MLYCD: variants seen among roughly 807,000 people sequenced by gnomAD.
The protein encoded by MLYCD is malonyl-CoA decarboxylase.
In MLYCD, 27 loss-of-function variants were observed where a neutral mutation model predicts 35.8. The observed-to-expected ratio is 0.75, with a 90% confidence interval of 0.56 to 1.04. The LOEUF (loss-of-function observed/expected upper bound fraction) is 1.04. Among genes scored for constraint, MLYCD ranks in the 50% least tolerant of loss-of-function variants. MLYCD has a pLI of 0.00. For synonymous variants in MLYCD, 403 were observed against 302.4 expected, an observed-to-expected ratio of 1.33 and a Z score of -3.45; for missense variants, 917 against 665.1, an observed-to-expected ratio of 1.38 and a Z score of -4.17.
rs1907609394 is a variant in MLYCD at position 83,920,308 on chromosome 16, C to T, written c.*4819C>T. 6.6e-6 allele frequency: 1 copy of T among 152,150 alleles called. No individual in the cohort carries two copies. The highest frequency in any genetic ancestry group is 1.5e-5 in the Non-Finnish European group (1 of 68,030). The allele number at this position is 152,150 out of a possible 1,614,324, so 9.4% of individuals were successfully genotyped here. A position where few individuals can be genotyped will look rare whatever the true frequency, so the allele number is the denominator to read the frequency against. On this transcript the variant is annotated 3_prime_UTR_variant, in exon 5 of 5. Coordinates refer to ENST00000262430, the MANE Select transcript of MLYCD (RefSeq NM_012213.3). ...AGGCTAGGCACGGGTTCCTCAAAAC[C>T]TTTTTGGGCAGCTAGCAGCTTTGAC...
chr16:83,903,142 A>G (rs910538568), intron 1 of MLYCD, among the ~76,000 whole-genome samples: 2 of 152,100 alleles, frequency 1.3e-5, no homozygotes, highest in African/African-American at 4.8e-5. Flanking sequence ...AATTCATGGA[A>G]AGGGTTCCTC....
Position 83,918,142 on chromosome 16 carries a change from C to G in MLYCD, c.*2653C>G, listed in dbSNP as rs1161590249. On this transcript the variant is annotated 3_prime_UTR_variant, in exon 5 of 5. Transcript: ENST00000262430. ...AGGCGGCTCATCACATCACGTTACT[C>G]TTTAGGTCAAATGTAACCCTCCCGG... 1 of 152,248 alleles carries G rather than the reference C, an allele frequency of 6.6e-6. No individual in the cohort carries two copies. The highest frequency in any genetic ancestry group is 2.1e-4 in the South Asian group (1 of 4,836). The allele number at this position is 152,248 out of a possible 1,614,324, so 9.4% of individuals were successfully genotyped here.
intron 3 of MLYCD, among the ~76,000 whole-genome samples, chr16:83,909,624 T>G (rs200374794): frequency 7.8e-6 from 1 of 128,948 alleles, no homozygotes; most frequent in Non-Finnish European, 1.6e-5. Flanking sequence ...TGTTGTGTTT[T>G]TTTTTTTTTT....
chr16:83,908,267 C>CTG lies in MLYCD; in HGVS notation c.784_785insGT (p.Ser262CysfsTer9). 2 of 1,614,174 alleles carry CTG rather than the reference C, an allele frequency of 1.2e-6. No homozygotes were observed. The highest frequency in any genetic ancestry group is 1.7e-6 in the Non-Finnish European group (2 of 1,180,030). The stretch of plus-strand genomic sequence containing the variant: ...TGCACGTGGCACTGACTGGTGACAT[C>CTG]TCCAGCAACATCCAGGTACCTGCGA... On this transcript the variant is annotated frameshift_variant, in exon 3 of 5. Coordinates refer to ENST00000262430, the MANE Select transcript of MLYCD (RefSeq NM_012213.3). LOFTEE classifies it high-confidence loss of function.
rs200750439 is a variant in MLYCD at position 83,915,185 on chromosome 16, C to G, written c.1178C>G (p.Ala393Gly). The part of the protein sequence containing the change: ...EWVQSEKLVR[A>G]LQTPLMRLCA... ...GTGCAGTCGGAGAAGCTGGTGCGGGCGCTGCAGACTCCGCTGATGAGGCTG... is the reference window on the plus strand; with the variant it reads ...GTGCAGTCGGAGAAGCTGGTGCGGGGGCTGCAGACTCCGCTGATGAGGCTG... The change falls in exon 5 of 5, where the codon GCG becomes GGG. Residue 393 changes from alanine to glycine, a missense_variant. Transcript: ENST00000262430. 2.5e-6 allele frequency: 4 copies of G among 1,614,098 alleles called. No homozygotes were observed. In the East Asian group the frequency reaches 8.9e-5, roughly 36 times the overall value.
rs377075332 is a variant in MLYCD, at chr16:83,915,343, G to A, written c.1336G>A (p.Gly446Ser). ...MADVSLRGITGSCGLMANYRY... is the reference protein window; with the variant it reads ...MADVSLRGITSSCGLMANYRY... ...GGATGTGAGCCTCAGAGGCATCACC[G>A]GCTCCTGCGGCCTGATGGCCAACTA... Residue 446 changes from glycine (G) to serine (S), a missense_variant, in exon 5 of 5, where the codon GGC becomes AGC. By Grantham distance (56) the Gly-to-Ser change is moderately conservative (BLOSUM62 0). Transcript: ENST00000262430. 41 of 1,613,650 alleles carry A rather than the reference G, an allele frequency of 2.5e-5. No homozygotes were observed. The highest frequency in any genetic ancestry group is 1.9e-4 in the South Asian group (17 of 91,094).
rs931079541 is a variant in MLYCD, at chr16:83,922,461, T to G, written c.*6972T>G. 1 of 152,280 alleles carries G rather than the reference T, an allele frequency of 6.6e-6. No homozygotes were observed. The highest frequency in any genetic ancestry group is 1.5e-5 in the Non-Finnish European group (1 of 68,100). The allele number at this position is 152,280 out of a possible 1,614,324, so 9.4% of individuals were successfully genotyped here. On this transcript the variant is annotated 3_prime_UTR_variant, in exon 5 of 5. Coordinates refer to ENST00000262430, the MANE Select transcript of MLYCD (RefSeq NM_012213.3). ...TCTCACCTGTTCATGGGCTCCTTTTTCTTCTGAAATGCAGCGTGAGGCACC... is the reference window on the plus strand; with the variant it reads ...TCTCACCTGTTCATGGGCTCCTTTTGCTTCTGAAATGCAGCGTGAGGCACC...
At position 83,910,466 on chromosome 16, in the gene MLYCD, G is replaced by A. The variant is rs183611777; in HGVS notation, c.799-1752G>A. On this transcript the variant is annotated intron_variant, in intron 3 of 4. Transcript: ENST00000262430. Reference sequence around the variant, plus strand: ...CCCCGGGAGGCTGAGGAGGCAGCCGGATCACCTGAGGTCAGGAGTTCCAGA... The same window carrying A: ...CCCCGGGAGGCTGAGGAGGCAGCCGAATCACCTGAGGTCAGGAGTTCCAGA... Among the ~76,000 whole-genome samples the A allele has an allele frequency of 4.1e-3, 631 of 152,178 alleles. 4 individuals carry two copies. Among genetic ancestry groups the A allele is most frequent in the African/African-American group, 0.014 (597 of 41,550 alleles).
Position 83,907,828 on chromosome 16 carries a change from G to A in MLYCD, c.642-298G>A, listed in dbSNP as rs533388455. On this transcript the variant is annotated intron_variant, in intron 2 of 4. Coordinates refer to ENST00000262430, the MANE Select transcript of MLYCD (RefSeq NM_012213.3). Reference sequence around the variant, plus strand: ...GAAAAGACAGTGTTCAACACCAAGCGTTTGATTAGGTTTCACGTTAAAATC... The same window carrying A: ...GAAAAGACAGTGTTCAACACCAAGCATTTGATTAGGTTTCACGTTAAAATC... Among the ~76,000 whole-genome samples, 8 of 152,252 alleles carry A rather than the reference G, an allele frequency of 5.3e-5. No homozygotes were observed. In the South Asian group the frequency reaches 1.2e-3, roughly 24 times the overall value.
rs56245227 is a variant in MLYCD, at chr16:83,925,035, T to C, written c.*9546T>C. On this transcript the variant is annotated 3_prime_UTR_variant, in exon 5 of 5. Coordinates refer to ENST00000262430, the MANE Select transcript of MLYCD (RefSeq NM_012213.3). ...TCCTAACTACCGATAGCAAGGGCAC[T>C]AGTGCCCCTGTTTGCCGGGGACAGG... is the stretch of plus-strand genomic sequence containing the variant. The C allele has an allele frequency of 0.11, 16,379 of 152,400 alleles. 965 individuals carry two copies. Among genetic ancestry groups the C allele is most frequent in the Non-Finnish European group, 0.13 (8,905 of 68,072 alleles). 9.4% of individuals were successfully genotyped at this position (152,400 alleles called of 1,614,324 possible).
At chr16:83,904,802 C>T (rs1185375735) in intron 1 of MLYCD, among the ~76,000 whole-genome samples, 1 of 152,188 alleles carries the variant, frequency 6.6e-6, no homozygotes. Context: ...TCACCGTCTC[C>T]CAGGATGACC....
Position 83,915,062 on chromosome 16 carries a change from A to G in MLYCD, c.1055A>G (p.Asn352Ser). The stretch of plus-strand genomic sequence containing the variant: ...TCGCAAACGAAGGAGCATGGGAGGA[A>G]TGAACTCTTTACAGATTCGGAATGT... ...LNSQTKEHGR[N>S]ELFTDSECKE... is the part of the protein sequence containing the mutation. Residue 352 changes from asparagine (N) to serine (S), a missense_variant, in exon 5 of 5, where the codon AAT becomes AGT. Coordinates refer to ENST00000262430, the MANE Select transcript of MLYCD (RefSeq NM_012213.3). The G allele has an allele frequency of 6.2e-7, 1 of 1,614,252 alleles. No homozygotes were observed.
chr16:83,907,935 G>A (rs745317758), intron 2 of MLYCD, among the ~76,000 whole-genome samples, 191 bp from the exon 3 acceptor site: 9 of 152,154 alleles, frequency 5.9e-5, no homozygotes, highest in Non-Finnish European at 8.8e-5. Flanking sequence ...GTGTAAAATG[G>A]TCATTCACTG....
chr16:83,912,010 C>A, intron 3 of MLYCD: 1 of 650,700 alleles, frequency 1.5e-6, no homozygotes. Context: ...CTGAGGACCC[C>A]CAGGCACGCG....
In MLYCD at chr16:83,924,603, G is replaced by A. The variant is rs1907750437; in HGVS notation, c.*9114G>A. On this transcript the variant is annotated 3_prime_UTR_variant, in exon 5 of 5. Coordinates refer to ENST00000262430, the MANE Select transcript of MLYCD (RefSeq NM_012213.3). ...TCCTGCTGCTCAGACAGCACCCCCT[G>A]AACGTGAGTTACTGCCTCCTTGAGC... 1.3e-5 allele frequency: 2 copies of A among 152,314 alleles called. No individual in the cohort carries two copies. The highest frequency in any genetic ancestry group is 2.1e-4 in the South Asian group (1 of 4,828). 9.4% of individuals were successfully genotyped at this position (152,314 alleles called of 1,614,324 possible). A position where few individuals can be genotyped will look rare whatever the true frequency, so the allele number is the denominator to read the frequency against.
intron 4 of MLYCD, 146 bp from the exon 5 acceptor site, chr16:83,914,810 A>G (rs1907312324): frequency 8.4e-7 from 1 of 1,197,260 alleles, no homozygotes; most frequent in Non-Finnish European, 1.2e-6. Flanking sequence ...TGCTTGAAAG[A>G]AGATAAACAA....
intron 3 of MLYCD, among the ~76,000 whole-genome samples, chr16:83,911,168 C>A (rs937985732): frequency 1.3e-5 from 2 of 152,032 alleles, no homozygotes; most frequent in African/African-American, 4.8e-5. Context: ...TTAGTAGAGA[C>A]GGGGTTTCAC....
intron 2 of MLYCD, 75 bp from the exon 3 acceptor site, chr16:83,908,051 T>C (rs1907041831): frequency 1.3e-6 from 2 of 1,569,590 alleles, no homozygotes; most frequent in Non-Finnish European, 8.8e-7. Flanking sequence ...CTTAGACGAA[T>C]AGTATGAATA....
chr16:83,906,222 A>G (rs1341349677), intron 1 of MLYCD, among the ~76,000 whole-genome samples: 1 of 150,052 alleles, frequency 6.7e-6, no homozygotes, highest in African/African-American at 2.5e-5. Flanking sequence ...CCCCATTTCT[A>G]CAAAAAAGAC....
Sources: gnomAD v4.1 joint callset for allele counts (sites outside exome capture counted in the v4.1 genomes callset) on GRCh38, gnomAD v4.1.1 for gene constraint, MANE v1.5 for transcripts, NCBI Gene and HGNC (gene_info 2026-07-23, HGNC 2026-07-21) for gene names.